The following FRY variants were observed in gnomAD, a reference collection of about 807,000 sequenced individuals.
FRY encodes the protein protein furry homolog.
A neutral mutation model predicts 348.4 loss-of-function variants in FRY; 128 were observed. That is an observed-to-expected ratio of 0.37 (90% CI 0.32 to 0.43). The LOEUF (loss-of-function observed/expected upper bound fraction) is 0.43, where lower values mean the gene tolerates loss of function less well. Ranked by LOEUF, FRY falls within the 20% of genes least tolerant of loss-of-function variation. FRY has a pLI of 1.00. For synonymous variants in FRY, 1,370 were observed against 1,374.7 expected (o/e 1.00, Z 0.08); for missense variants, 2,736 against 3,695.2 (o/e 0.74, Z 6.73).
At chr13:32,275,662 GAT>G (rs1192070822) in intron 56 of FRY, among the ~76,000 whole-genome samples, 1 of 152,206 alleles carries the variant, frequency 6.6e-6, no homozygotes, top group Non-Finnish European at 1.5e-5. Context: ...TGCCCAGTCG[GAT>G]GGGTCTTCAG....
chr13:32,286,747 C>CAAAAAAAA (rs6144991), intron 58 of FRY, among the ~76,000 whole-genome samples: 3 of 77,512 alleles, frequency 3.9e-5, no homozygotes, highest in African/African-American at 1.7e-4. Flanking sequence ...GACTCTGTCT[C>CAAAAAAAA]AAAAAAAAAA....
At chr13:32,134,477 G>A (rs1011350438) in intron 8 of FRY, among the ~76,000 whole-genome samples, 4 of 152,218 alleles carry the variant, frequency 2.6e-5, no homozygotes, top group African/African-American at 9.6e-5. Flanking sequence ...TAAGTTCGAT[G>A]TCTTCTGCCT....
At chr13:32,162,166 G>A (rs963242639) in intron 17 of FRY, among the ~76,000 whole-genome samples, 1 of 152,186 alleles carries the variant, frequency 6.6e-6, no homozygotes, top group Non-Finnish European at 1.5e-5. Flanking sequence ...CATTTGGACT[G>A]ATGAAATTTT....
chr13:32,032,568 T>G (rs931070764), intron 1 of FRY, among the ~76,000 whole-genome samples: 9 of 152,220 alleles, frequency 5.9e-5, no homozygotes, highest in African/African-American at 1.9e-4. Context: ...TAGCAGAATA[T>G]GATGGCTCCT....
intron 1 of FRY, among the ~76,000 whole-genome samples, chr13:32,064,412 C>T (rs1339976059): frequency 6.6e-6 from 1 of 151,846 alleles, no homozygotes; most frequent in Non-Finnish European, 1.5e-5. Flanking sequence ...TATGTCCCCC[C>T]TGCATCTCTC....
intron 1 of FRY, among the ~76,000 whole-genome samples, chr13:32,054,882 C>CATAA (rs898282255): frequency 6.6e-5 from 10 of 152,140 alleles, no homozygotes; most frequent in South Asian, 2.1e-4. Context: ...CTCAAAAATA[C>CATAA]ATAAATAAAT....
chr13:32,136,849 A>C, intron 10 of FRY, 22 bp from the exon 11 acceptor site: 7 of 1,159,900 alleles, frequency 6.0e-6, no homozygotes, highest in South Asian at 1.2e-5. Context: ...TGATCCTGTG[A>C]CCTCCTCTCC....
In FRY at chr13:32,268,501, AAAAAATATATAT is replaced by A. The variant is rs1338006470; in HGVS notation, c.8136+1144_8136+1155del. Among the ~76,000 whole-genome samples the A allele has an allele frequency of 5.0e-3, 86 of 17,042 alleles. 1 individual carries two copies. Among genetic ancestry groups the A allele is most frequent in the African/African-American group, 0.011 (75 of 6,996 alleles). The allele number at this position is 17,042 out of a possible 152,430, so 11.2% of individuals were successfully genotyped here. On this transcript the variant is annotated intron_variant, in intron 55 of 60. Coordinates refer to ENST00000542859, the MANE Select transcript of FRY (RefSeq NM_023037.3). ...AAAGCTAGTTTAAAAAAAAAAAAAA[AAAAAATATATAT>A]ATATATATATATATATATATATATA...
intron 3 of FRY, among the ~76,000 whole-genome samples, chr13:32,111,685 A>C (rs566316078): frequency 6.6e-6 from 1 of 152,288 alleles, no homozygotes; most frequent in East Asian, 1.9e-4. Context: ...TACCAAATGA[A>C]GTACAGGAGC....
chr13:32,231,421 A>T (rs1449388620), intron 41 of FRY, 121 bp downstream of exon 41: 1 of 956,354 alleles, frequency 1.0e-6, no homozygotes, highest in Non-Finnish European at 1.7e-6. Context: ...GCACGAGCAT[A>T]TTCACAGGGG....
At chr13:32,238,012 C>T in intron 44 of FRY, 26 bp downstream of exon 44, 2 of 1,610,348 alleles carry the variant, frequency 1.2e-6, no homozygotes, top group Non-Finnish European at 1.7e-6. Context: ...TTCACCCTGT[C>T]TCAATTCTGA....
At chr13:32,170,417 T>C (rs1351290285) in intron 17 of FRY, among the ~76,000 whole-genome samples, 2 of 152,240 alleles carry the variant, frequency 1.3e-5, no homozygotes, top group Non-Finnish European at 2.9e-5. Flanking sequence ...TTTTGATCAG[T>C]GTACCGTAGT....
At chr13:32,107,074 G>A (rs557466765) in intron 3 of FRY, among the ~76,000 whole-genome samples, 1 of 152,248 alleles carries the variant, frequency 6.6e-6, no homozygotes, top group South Asian at 2.1e-4. Context: ...AAACCTGGAA[G>A]GGCCTGGCGT....
intron 2 of FRY, among the ~76,000 whole-genome samples, chr13:32,083,711 T>G (rs1238472600): frequency 6.6e-6 from 1 of 152,194 alleles, no homozygotes; most frequent in Non-Finnish European, 1.5e-5. Context: ...TTCAAATTCT[T>G]GGATGTGAAT....
chr13:32,224,795 A>C, intron 37 of FRY, 138 bp from the exon 38 acceptor site: 1 of 695,526 alleles, frequency 1.4e-6, no homozygotes, highest in Non-Finnish European at 2.6e-6. Context: ...TTACAAGTTA[A>C]ACTCTATTTC....
chr13:32,230,971 T>C (rs1047339321), intron 40 of FRY, among the ~76,000 whole-genome samples: 1 of 152,244 alleles, frequency 6.6e-6, no homozygotes, highest in African/African-American at 2.4e-5. Flanking sequence ...GAGAAGTGTC[T>C]GTTCATGTCC....
At chr13:32,172,793 G>A (rs912012090) in intron 18 of FRY, among the ~76,000 whole-genome samples, 2 of 152,092 alleles carry the variant, frequency 1.3e-5, no homozygotes, top group African/African-American at 4.8e-5. Context: ...AAAAGCAAGG[G>A]TTATATATGC....
chr13:32,199,991 G>A (rs979304774), intron 29 of FRY, among the ~76,000 whole-genome samples: 3 of 152,180 alleles, frequency 2.0e-5, no homozygotes, highest in Non-Finnish European at 4.4e-5. Context: ...TCTTGCTGAT[G>A]GGGACTCTCT....
In FRY at chr13:32,172,738, C is replaced by T. The variant is rs1479682658; in HGVS notation, c.2152-629C>T. On this transcript the variant is annotated intron_variant, in intron 18 of 60. Coordinates refer to ENST00000542859, the MANE Select transcript of FRY (RefSeq NM_023037.3). ...CTAACCCCAGAGATGACATTCAGCT[C>T]CTTCTCCCTTCCCTGTGTTGTAGAC... is the stretch of plus-strand genomic sequence containing the variant. Among the ~76,000 whole-genome samples the T allele has an allele frequency of 7.2e-5, 11 of 152,262 alleles. No individual in the cohort carries two copies. The East Asian group carries it at 2.1e-3, about 29-fold the overall frequency.
Sources: allele counts gnomAD v4.1 joint callset (sites outside exome capture counted in the v4.1 genomes callset), GRCh38; gene constraint gnomAD v4.1.1; transcripts MANE v1.5; gene names NCBI Gene and HGNC (gene_info 2026-07-23, HGNC 2026-07-21).